The following SPOP variants were observed in gnomAD, a reference collection of about 807,000 sequenced individuals.
SPOP encodes the protein speckle-type POZ protein.
A neutral mutation model predicts 45.6 loss-of-function variants in SPOP; 11 were observed. The ratio of observed to expected loss-of-function variants is 0.24; its 90% CI spans 0.15 to 0.40. The LOEUF is 0.40. Ranked by LOEUF, SPOP falls within the 10% of genes least tolerant of loss-of-function variation. The probability of loss-of-function intolerance (pLI) is 1.00; values close to 1 mark genes in which losing one functional copy is unlikely to be tolerated. For missense variants in SPOP, 152 were observed against 465.6 expected, an observed-to-expected ratio of 0.33 and a Z score of 6.20; for synonymous variants, 166 against 166.3, an observed-to-expected ratio of 1.00 and a Z score of 0.01.
rs551177853 is a variant in SPOP at position 49,671,522 on chromosome 17, A to G, written c.-67+6411T>C. Among the ~76,000 whole-genome samples the G allele has an allele frequency of 7.3e-4, 111 of 152,192 alleles. No individual in the cohort carries two copies. In the Middle Eastern group the frequency reaches 0.01, roughly 14 times the overall value. On this transcript the variant is annotated intron_variant, in intron 1 of 9. Transcript: ENST00000504102. ...AGCTTAAAGGGCTCCCACAGGCCAAATACAGGACAGTGTGAGCATCAAAAA... is the reference window on the plus strand; with the variant it reads ...AGCTTAAAGGGCTCCCACAGGCCAAGTACAGGACAGTGTGAGCATCAAAAA...
intron 1 of SPOP, among the ~76,000 whole-genome samples, chr17:49,645,828 G>A (rs1416746157): frequency 6.6e-6 from 1 of 151,406 alleles, no homozygotes; most frequent in African/African-American, 2.4e-5. Context: ...TTTCAAACAT[G>A]TTTTTCCTCC....
intron 1 of SPOP, among the ~76,000 whole-genome samples, chr17:49,625,786 C>A (rs201447545): frequency 2.5e-4 from 38 of 152,042 alleles, no homozygotes; most frequent in African/African-American, 7.5e-4. Context: ...ACAACAACAA[C>A]AAAAAACAGC....
At chr17:49,677,067 C>T (rs1282753115) in intron 1 of SPOP, among the ~76,000 whole-genome samples, 3 of 152,176 alleles carry the variant, frequency 2.0e-5, no homozygotes, top group Admixed American at 6.5e-5. Flanking sequence ...AGTAAGAAGG[C>T]CGGTGCCCTT....
Position 49,677,926 on chromosome 17 carries a change from C to G in SPOP, c.-67+7G>C, listed in dbSNP as rs934118249. On this transcript the variant is annotated splice_region_variant and intron_variant, in intron 1 of 9. Transcript: ENST00000504102. ...CCCCCTCCCTCGACTCTCCTCCCCCCACTCACCTGAGAGCGGCGGCGACAG... is the reference window on the plus strand; with the variant it reads ...CCCCCTCCCTCGACTCTCCTCCCCCGACTCACCTGAGAGCGGCGGCGACAG... 7.6e-6 allele frequency: 3 copies of G among 397,136 alleles called. No homozygotes were observed. The highest frequency in any genetic ancestry group is 7.2e-5 in the East Asian group (2 of 27,954). The allele number at this position is 397,136 out of a possible 1,614,324, so 24.6% of individuals were successfully genotyped here.
intron 1 of SPOP, among the ~76,000 whole-genome samples, chr17:49,647,136 CA>C (rs1015879783): frequency 4.1e-5 from 6 of 145,984 alleles, no homozygotes; most frequent in Admixed American, 6.8e-5. Context: ...TTAAAAAATA[CA>C]AAAAAAAAAT....
chr17:49,668,736 C>CAT (rs545894630), intron 1 of SPOP, among the ~76,000 whole-genome samples: 1 of 150,274 alleles, frequency 6.7e-6, no homozygotes, highest in Non-Finnish European at 1.5e-5. Context: ...TATATATTGA[C>CAT]ATATATATAG....
intron 1 of SPOP, among the ~76,000 whole-genome samples, chr17:49,671,655 T>C (rs1466644742): frequency 1.3e-5 from 2 of 152,174 alleles, no homozygotes; most frequent in African/African-American, 2.4e-5. Context: ...ACCATTTCCT[T>C]ACTCAGAAAA....
intron 6 of SPOP, among the ~76,000 whole-genome samples, chr17:49,609,056 C>T (rs1405213059): frequency 1.3e-5 from 2 of 152,020 alleles, no homozygotes; most frequent in Non-Finnish European, 2.9e-5. Flanking sequence ...TTACAGGTAC[C>T]CACCACCACG....
intron 1 of SPOP, among the ~76,000 whole-genome samples, chr17:49,645,263 CTT>C (rs2072733789): frequency 6.6e-6 from 1 of 152,026 alleles, no homozygotes; most frequent in African/African-American, 2.4e-5. Flanking sequence ...TAGGGACTGA[CTT>C]CATAAATGTC....
chr17:49,600,771 TC>T lies in SPOP; in HGVS notation c.981-250del. On this transcript the variant is annotated intron_variant, in intron 9 of 9. Coordinates refer to ENST00000504102, the MANE Select transcript of SPOP (RefSeq NM_001007228.2). This position sits in a 1 kb window ranked among gnomAD's most constrained non-coding sequence, Gnocchi z 4.2. ...TTCTCAAAAACAAAAAGCAGAATGT[TC>T]CCCAGGCCCCCAACACTGCCTATGT... 1 of 473,128 alleles carries T rather than the reference TC, an allele frequency of 2.1e-6. No individual in the cohort carries two copies. The highest frequency in any genetic ancestry group is 3.9e-6 in the Non-Finnish European group (1 of 258,004). 29.3% of individuals were successfully genotyped at this position (473,128 alleles called of 1,614,324 possible). A position where few individuals can be genotyped will look rare whatever the true frequency, so the allele number is the denominator to read the frequency against.
At chr17:49,618,612 C>T in intron 5 of SPOP, 1 of 460,792 alleles carries the variant, frequency 2.2e-6, no homozygotes, top group Non-Finnish European at 4.3e-6. Flanking sequence ...ACACATGGCC[C>T]TCACACTTAA....
chr17:49,608,478 G>A (rs1234010107), intron 6 of SPOP, among the ~76,000 whole-genome samples: 3 of 152,144 alleles, frequency 2.0e-5, no homozygotes, highest in African/African-American at 7.2e-5. Flanking sequence ...GGTGGGGGGG[G>A]AAAGAAACTT....
rs200488309 is a variant in SPOP at position 49,641,261 on chromosome 17, T to TC, written c.-66-18386dup. Among the ~76,000 whole-genome samples the TC allele has an allele frequency of 3.9e-3, 205 of 52,816 alleles. 4 individuals are homozygous for TC. The highest frequency in any genetic ancestry group is 0.017 in the African/African-American group (177 of 10,198). 34.6% of individuals were successfully genotyped at this position (52,816 alleles called of 152,430 possible). A position where few individuals can be genotyped will look rare whatever the true frequency, so the allele number is the denominator to read the frequency against. The stretch of plus-strand genomic sequence containing the variant: ...CTGGATGACAGAGCAAGACTCTGTC[T>TC]CCAAAAAAAAAAAAAAAAAAAAAAA... On this transcript the variant is annotated intron_variant, in intron 1 of 9. Transcript: ENST00000504102.
chr17:49,621,289 G>GGT (rs1386236255), intron 3 of SPOP, among the ~76,000 whole-genome samples: 7 of 152,172 alleles, frequency 4.6e-5, no homozygotes, highest in Non-Finnish European at 4.4e-5. Flanking sequence ...TATACCCATT[G>GGT]GTACTGCCAG....
intron 1 of SPOP, among the ~76,000 whole-genome samples, chr17:49,639,021 C>T (rs1414502902): frequency 6.6e-6 from 1 of 152,164 alleles, no homozygotes; most frequent in Non-Finnish European, 1.5e-5. Flanking sequence ...AGGCTGAATT[C>T]ATGCAACAAA....
At chr17:49,648,786 TCTCA>T (rs1439894981) in intron 1 of SPOP, among the ~76,000 whole-genome samples, 1 of 152,120 alleles carries the variant, frequency 6.6e-6, no homozygotes, top group Non-Finnish European at 1.5e-5. Flanking sequence ...TGAGACGGAG[TCTCA>T]CTGTGTTGCC....
At chr17:49,630,405 T>C (rs970530185) in intron 1 of SPOP, among the ~76,000 whole-genome samples, 1 of 152,204 alleles carries the variant, frequency 6.6e-6, no homozygotes, top group Admixed American at 6.5e-5. Flanking sequence ...ATATTTGTTA[T>C]GAGTAAACTT....
intron 1 of SPOP, among the ~76,000 whole-genome samples, chr17:49,624,801 T>G (rs1304167369): frequency 6.6e-6 from 1 of 150,720 alleles, no homozygotes; most frequent in Non-Finnish European, 1.5e-5. Flanking sequence ...GTGAATTTGG[T>G]TACAATTTTT....
At chr17:49,634,329 A>C (rs1173536829) in intron 1 of SPOP, among the ~76,000 whole-genome samples, 3 of 152,366 alleles carry the variant, frequency 2.0e-5, no homozygotes, top group South Asian at 2.1e-4. Flanking sequence ...TGAAGATTTT[A>C]ACACGTCCCA....
Sources: allele counts gnomAD v4.1 joint callset (sites outside exome capture counted in the v4.1 genomes callset), GRCh38; gene constraint gnomAD v4.1.1; non-coding constraint Gnocchi (gnomAD v3.1); transcripts MANE v1.5; gene names NCBI Gene and HGNC (gene_info 2026-07-23, HGNC 2026-07-21).